The following SLC17A1 variants were observed in gnomAD, a reference collection of about 807,000 sequenced individuals.
SLC17A1 encodes solute carrier family 17 member 1.
In SLC17A1, 51 loss-of-function variants were observed where a neutral mutation model predicts 53.5. That is an observed-to-expected ratio of 0.95 (90% CI 0.76 to 1.20). SLC17A1 has a LOEUF of 1.20. SLC17A1 is among the 50% of genes most tolerant of loss of function. SLC17A1 has a pLI of 0.00. For synonymous variants in SLC17A1, 179 were observed against 198.8 expected (o/e 0.90, Z 0.84); for missense variants, 538 against 568.2 (o/e 0.95, Z 0.54).
At chr6:25,818,020 T>C (rs1271641865) in intron 6 of SLC17A1, among the ~76,000 whole-genome samples, 1 of 152,152 alleles carries the variant, frequency 6.6e-6, no homozygotes, top group African/African-American at 2.4e-5. Context: ...ATATATTGGA[T>C]GTCTTCTGTT....
In SLC17A1 at chr6:25,783,117, T is replaced by C. The variant is rs1357081019; in HGVS notation, c.*104A>G. 2.0e-5 allele frequency: 3 copies of C among 152,184 alleles called. No homozygotes were observed. Among genetic ancestry groups the C allele is most frequent in the African/African-American group, 7.2e-5 (3 of 41,434 alleles). 9.4% of individuals were successfully genotyped at this position (152,184 alleles called of 1,614,324 possible). ...CCTAGGACTCCTCCTACCACCTTCT[T>C]CCTGGTGCTGGTGACTGCCCCTCAG... On this transcript the variant is annotated 3_prime_UTR_variant, in exon 13 of 13. Transcript: ENST00000244527.
intron 6 of SLC17A1, among the ~76,000 whole-genome samples, chr6:25,816,812 G>T (rs913013045): frequency 6.6e-6 from 1 of 151,860 alleles, no homozygotes; most frequent in African/African-American, 2.4e-5. Context: ...GTTTGAAATA[G>T]TCTTTAGGAG....
At position 25,798,864 on chromosome 6, in the gene SLC17A1, G is replaced by C. The variant is rs752168179; in HGVS notation, c.1325C>G (p.Thr442Ser). The C allele has an allele frequency of 6.2e-6, 10 of 1,609,736 alleles. No homozygotes were observed. In the South Asian group the frequency reaches 1.0e-4, roughly 16 times the overall value. ...TFILMAAINV[T>S]GLIFYLIVAT... ...AACTATAAGGTAGAAAATTAGGCCAGTCACATTAATGGCTGCCATCAGGAT... is the reference window on the plus strand; with the variant it reads ...AACTATAAGGTAGAAAATTAGGCCACTCACATTAATGGCTGCCATCAGGAT... The change falls in exon 12 of 13, where the codon ACT becomes AGT. Residue 442 changes from threonine to serine, a missense_variant. Physicochemically the swap from Thr to Ser is moderately conservative, Grantham distance 58. Transcript: ENST00000244527.
intron 6 of SLC17A1, among the ~76,000 whole-genome samples, chr6:25,813,911 G>A (rs931614371): frequency 3.9e-5 from 6 of 152,202 alleles, no homozygotes; most frequent in African/African-American, 4.8e-5. Flanking sequence ...CAAAGGACAC[G>A]ATCTCCTTCT....
chr6:25,826,598 A>T lies in SLC17A1; in HGVS notation c.70T>A (p.Phe24Ile). ...ATAACATTACAACAGTGCACAAGGAAAGACAATCCATAGCGAAAGGAACAG... is the reference window on the plus strand; with the variant it reads ...ATAACATTACAACAGTGCACAAGGATAGACAATCCATAGCGAAAGGAACAG... Reference protein sequence around the residue: ...GFCSFRYGLSFLVHCCNVIIT... With the variant: ...GFCSFRYGLSILVHCCNVIIT... Residue 24 changes from phenylalanine to isoleucine, a missense_variant, in exon 3 of 13, where the codon TTC becomes ATC. Physicochemically the swap from Phe to Ile is conservative, Grantham distance 21 (BLOSUM62 0). Coordinates refer to ENST00000244527, the MANE Select transcript of SLC17A1 (RefSeq NM_005074.5). The T allele has an allele frequency of 6.3e-7, 1 of 1,595,038 alleles. No individual in the cohort carries two copies. Among genetic ancestry groups the T allele is most frequent in the Non-Finnish European group, 8.5e-7 (1 of 1,170,108 alleles).
At position 25,798,793 on chromosome 6, in the gene SLC17A1, G is replaced by A. The variant is rs112164493; in HGVS notation, c.1396C>T (p.Arg466Cys). 200 of 1,607,490 alleles carry A rather than the reference G, an allele frequency of 1.2e-4. 4 individuals are homozygous for A. In the South Asian group the frequency reaches 1.4e-3, roughly 11 times the overall value. Residue 466 changes from arginine to cysteine, a missense_variant, in exon 12 of 13, where the codon CGT (arginine) becomes TGT (cysteine). Physicochemically the swap from Arg to Cys is radical, Grantham distance 180. Transcript: ENST00000244527. The stretch of plus-strand genomic sequence containing the variant: ...CTGATCACTTCTCACCTTCAGAGAC[G>A]TGTGTGTTGTTTTTCTTTAGCCCAG... The part of the protein sequence containing the change: ...QDWAKEKQHT[R>C]L
At chr6:25,821,484 T>G (rs1342120917) in intron 3 of SLC17A1, among the ~76,000 whole-genome samples, 6 of 152,144 alleles carry the variant, frequency 3.9e-5, no homozygotes, top group Non-Finnish European at 5.9e-5. Flanking sequence ...CCAGGTTTTG[T>G]TTTGTTTTGT....
At chr6:25,788,967 A>G (rs1763443115) in intron 12 of SLC17A1, among the ~76,000 whole-genome samples, 1 of 149,332 alleles carries the variant, frequency 6.7e-6, no homozygotes, top group South Asian at 2.1e-4. Flanking sequence ...ATATGAATAG[A>G]AAGATAGGTA....
At chr6:25,751,223 A>T in the SLC17A1 span, among the ~76,000 whole-genome samples, 1 of 152,220 alleles carries the variant, frequency 6.6e-6, no homozygotes, top group Non-Finnish European at 1.5e-5. Context: ...AATATCATAA[A>T]ATTGTCAACA....
At chr6:25,768,843 C>G in the SLC17A1 span, 1 of 770,454 alleles carries the variant, frequency 1.3e-6, no homozygotes. Context: ...GAACAAAATT[C>G]CACTACACAC....
intron 3 of SLC17A1, 53 bp downstream of exon 3, chr6:25,826,408 G>T (rs1764742255): frequency 7.1e-7 from 1 of 1,416,740 alleles, no homozygotes; most frequent in South Asian, 1.4e-5. Flanking sequence ...ACACAAATTA[G>T]TTAGCAAGAC....
At chr6:25,776,109 T>C in the SLC17A1 span, among the ~76,000 whole-genome samples, 3 of 152,160 alleles carry the variant, frequency 2.0e-5, no homozygotes, top group Admixed American at 2.0e-4. Flanking sequence ...GTAATATTTG[T>C]GAGAACCTGA....
chr6:25,808,384 C>T (rs1288531975), intron 10 of SLC17A1, among the ~76,000 whole-genome samples: 1 of 151,842 alleles, frequency 6.6e-6, no homozygotes, highest in Non-Finnish European at 1.5e-5. Flanking sequence ...AAAAAACCAC[C>T]TATTGGGTAC....
At chr6:25,776,447 A>G in the SLC17A1 span, 12 of 895,860 alleles carry the variant, frequency 1.3e-5, no homozygotes, top group East Asian at 3.0e-4. Context: ...CTAAAAGTAT[A>G]TTGGCTCATT....
At chr6:25,766,528 G>A in the SLC17A1 span, among the ~76,000 whole-genome samples, 2 of 152,142 alleles carry the variant, frequency 1.3e-5, no homozygotes, top group Non-Finnish European at 2.9e-5. Flanking sequence ...AAAGAAAAAA[G>A]AGAGTAATTT....
In SLC17A1 at chr6:25,819,668, C is replaced by A; in HGVS notation, c.441+14G>T. On this transcript the variant is annotated intron_variant, in intron 4 of 12. Transcript: ENST00000244527. ...GAATTTAAACTCTGTTCAGTTTTAG[C>A]ATTATTTTAATACCTGGGCTGCTCC... 1.1e-5 allele frequency: 18 copies of A among 1,612,988 alleles called. No individual in the cohort carries two copies. The highest frequency in any genetic ancestry group is 1.4e-5 in the Non-Finnish European group (16 of 1,179,080).
chr6:25,773,638 G>T, the SLC17A1 span: 2 of 1,613,800 alleles, frequency 1.2e-6, no homozygotes, highest in African/African-American at 2.7e-5. Flanking sequence ...ACACACCAAC[G>T]TACATCAGCT....
At chr6:25,770,592 C>G in the SLC17A1 span, 3 of 889,462 alleles carry the variant, frequency 3.4e-6, no homozygotes, top group Non-Finnish European at 5.6e-6. Flanking sequence ...TTCCTTAAAG[C>G]ACTACCCCAT....
Position 25,819,493 on chromosome 6 carries a change from T to C in SLC17A1, c.529+18A>G. On this transcript the variant is annotated intron_variant, in intron 5 of 12. Transcript: ENST00000244527. The stretch of plus-strand genomic sequence containing the variant: ...AGATGAAGATAGGATTCAAACATTC[T>C]AGGCTTTAATTCTTTACCTGATGTA... 1 of 1,584,828 alleles carries C rather than the reference T, an allele frequency of 6.3e-7. No individual in the cohort carries two copies. The highest frequency in any genetic ancestry group is 8.7e-7 in the Non-Finnish European group (1 of 1,153,410).
Sources: gnomAD v4.1 joint callset for allele counts (sites outside exome capture counted in the v4.1 genomes callset) on GRCh38, gnomAD v4.1.1 for gene constraint, MANE v1.5 for transcripts, NCBI Gene and HGNC (gene_info 2026-07-23, HGNC 2026-07-21) for gene names.